Variants in METAP1D observed in about 807,000 individuals in gnomAD.
METAP1D encodes the protein methionine aminopeptidase 1D, mitochondrial.
METAP1D carries 31 observed loss-of-function variants against 40.5 expected under a neutral mutation model. That is an observed-to-expected ratio of 0.77 (90% CI 0.58 to 1.03). The LOEUF (loss-of-function observed/expected upper bound fraction) is 1.03, where lower values mean the gene tolerates loss of function less well. METAP1D is among the 50% of genes least tolerant of loss of function. METAP1D has a pLI of 0.00. For synonymous variants in METAP1D, 151 were observed against 146.4 expected (o/e 1.03, Z -0.22); for missense variants, 411 against 420.7 (o/e 0.98, Z 0.20).
At chr2:172,010,092 T>C (rs1688675280) in intron 1 of METAP1D, among the ~76,000 whole-genome samples, 1 of 151,596 alleles carries the variant, frequency 6.6e-6, no homozygotes, top group African/African-American at 2.4e-5. Flanking sequence ...TTGTGAAAAG[T>C]GACAGTTGGT....
chr2:172,039,979 CT>C (rs1010752067), intron 1 of METAP1D, among the ~76,000 whole-genome samples: 3 of 143,708 alleles, frequency 2.1e-5, no homozygotes, highest in Admixed American at 1.4e-4. Flanking sequence ...CCAGCCAAAA[CT>C]TTTTTTTGTT....
At chr2:172,047,965 C>T (rs1305684576) in intron 1 of METAP1D, among the ~76,000 whole-genome samples, 1 of 152,160 alleles carries the variant, frequency 6.6e-6, no homozygotes, top group Non-Finnish European at 1.5e-5. Context: ...CATTAACCAT[C>T]AGCATACTAG....
intron 1 of METAP1D, among the ~76,000 whole-genome samples, chr2:172,008,602 A>G (rs551226395): frequency 6.6e-6 from 1 of 152,344 alleles, no homozygotes; most frequent in East Asian, 1.9e-4. Flanking sequence ...TTTAATTTAT[A>G]AATTAGGCAG....
chr2:172,048,759 A>G (rs1478438663), intron 1 of METAP1D, among the ~76,000 whole-genome samples: 2 of 152,198 alleles, frequency 1.3e-5, no homozygotes, highest in Non-Finnish European at 1.5e-5. Context: ...ATATGTTTCA[A>G]ATGTTTTACA....
Position 172,080,465 on chromosome 2 carries a change from G to T in METAP1D, c.*59G>T. 6.4e-7 allele frequency: 1 copy of T among 1,568,432 alleles called. No individual in the cohort carries two copies. Among genetic ancestry groups the T allele is most frequent in the African/African-American group, 1.3e-5 (1 of 74,080 alleles). ...TTTTTAAATAAATTGCTGAAATTTGGCTGGAGAACTTTTAGAAGAAACAGG... is the reference window on the plus strand; with the variant it reads ...TTTTTAAATAAATTGCTGAAATTTGTCTGGAGAACTTTTAGAAGAAACAGG... On this transcript the variant is annotated 3_prime_UTR_variant, in exon 10 of 10. Transcript: ENST00000315796.
intron 7 of METAP1D, among the ~76,000 whole-genome samples, chr2:172,078,532 G>T (rs1409213352): frequency 1.3e-5 from 2 of 152,206 alleles, no homozygotes; most frequent in South Asian, 4.1e-4. Flanking sequence ...CCTGGACGGG[G>T]ATCAAAGGAA....
chr2:172,010,820 T>C (rs1688700629), intron 1 of METAP1D, among the ~76,000 whole-genome samples: 1 of 148,496 alleles, frequency 6.7e-6, no homozygotes, highest in Non-Finnish European at 1.5e-5. Flanking sequence ...ATGATCTCGA[T>C]CTCCACTCAC....
chr2:172,016,292 AAAAAAAAAATATATATAT>A (rs1484598005), intron 1 of METAP1D, among the ~76,000 whole-genome samples: 49 of 75,934 alleles, frequency 6.5e-4, no homozygotes, highest in African/African-American at 1.8e-3. Flanking sequence ...AAAAAAAAAA[AAAAAAAAAATATATATAT>A]ATATATATAT....
At chr2:172,058,022 G>A (rs1257869954) in intron 1 of METAP1D, among the ~76,000 whole-genome samples, 2 of 150,738 alleles carry the variant, frequency 1.3e-5, no homozygotes, top group Non-Finnish European at 2.9e-5. Context: ...ATAACTCAGT[G>A]ATCATAGCTC....
At chr2:172,067,837 A>G (rs1690321217) in intron 5 of METAP1D, among the ~76,000 whole-genome samples, 1 of 152,216 alleles carries the variant, frequency 6.6e-6, no homozygotes, top group Non-Finnish European at 1.5e-5. Context: ...GTGTCTAGAA[A>G]TGTGAAGGAA....
chr2:172,015,281 G>A (rs967952252), intron 1 of METAP1D, among the ~76,000 whole-genome samples: 2 of 151,740 alleles, frequency 1.3e-5, no homozygotes, highest in African/African-American at 4.8e-5. Context: ...GCATGGTGGC[G>A]CCCACCTGTA....
At chr2:172,031,549 C>T (rs1689242752) in intron 1 of METAP1D, among the ~76,000 whole-genome samples, 1 of 152,164 alleles carries the variant, frequency 6.6e-6, no homozygotes, top group African/African-American at 2.4e-5. Context: ...TTCACATATG[C>T]TTTCTCTCTC....
chr2:172,011,574 G>A (rs1194031532), intron 1 of METAP1D, among the ~76,000 whole-genome samples: 8 of 152,156 alleles, frequency 5.3e-5, no homozygotes, highest in African/African-American at 1.7e-4. Context: ...GTGAGCCACC[G>A]CGCCCGGCCT....
At position 172,063,688 on chromosome 2, in the gene METAP1D, G is replaced by A. The variant is rs537920151; in HGVS notation, c.199-23G>A. ...TGTCGTGCGCTGGGTTCTGATCTTC[G>A]TTTTCAATCCTTTTTCCTCAAGCAC... is the stretch of plus-strand genomic sequence containing the variant. On this transcript the variant is annotated intron_variant, in intron 2 of 9. Transcript: ENST00000315796. 4.4e-5 allele frequency: 70 copies of A among 1,591,300 alleles called. 1 individual carries two copies. The South Asian group carries it at 7.0e-4, about 16-fold the overall frequency.
At chr2:172,003,513 G>A (rs1688512060) in intron 1 of METAP1D, among the ~76,000 whole-genome samples, 1 of 152,122 alleles carries the variant, frequency 6.6e-6, no homozygotes, top group Non-Finnish European at 1.5e-5. Context: ...TTCTGTTCTT[G>A]TGATAATGAG....
intron 1 of METAP1D, among the ~76,000 whole-genome samples, chr2:172,017,868 C>G (rs548709894): frequency 4.1e-4 from 62 of 152,204 alleles, no homozygotes; most frequent in Admixed American, 6.5e-4. Context: ...GTGGCTTACA[C>G]CTGTAATCCC....
chr2:172,033,286 T>C (rs1689283413), intron 1 of METAP1D, among the ~76,000 whole-genome samples: 1 of 151,986 alleles, frequency 6.6e-6, no homozygotes, highest in African/African-American at 2.4e-5. Context: ...TCATTAAAAC[T>C]GGCATAAGAG....
At chr2:172,007,753 A>G (rs1688621667) in intron 1 of METAP1D, among the ~76,000 whole-genome samples, 1 of 152,046 alleles carries the variant, frequency 6.6e-6, no homozygotes, top group Admixed American at 6.6e-5. Context: ...GCAGTGGCGC[A>G]TTCTCAGCTC....
intron 1 of METAP1D, among the ~76,000 whole-genome samples, chr2:172,023,687 G>C (rs1689055958): frequency 6.6e-6 from 1 of 152,106 alleles, no homozygotes; most frequent in Non-Finnish European, 1.5e-5. Flanking sequence ...GCATGTTGAA[G>C]TATTATAGGA....
Sources: gnomAD v4.1 joint callset for allele counts (sites outside exome capture counted in the v4.1 genomes callset) on GRCh38, gnomAD v4.1.1 for gene constraint, MANE v1.5 for transcripts, NCBI Gene and HGNC (gene_info 2026-07-23, HGNC 2026-07-21) for gene names.